RBMS3: variants seen among roughly 807,000 people sequenced by gnomAD.
RBMS3 encodes the protein RNA binding motif single stranded interacting protein 3.
In RBMS3, 27 loss-of-function variants were observed where a neutral mutation model predicts 66.8. The observed-to-expected ratio is 0.40, with a 90% CI of 0.30 to 0.56. RBMS3 has a LOEUF of 0.56. Ranked by LOEUF, RBMS3 falls within the 20% of genes least tolerant of loss-of-function variation. RBMS3 has a pLI of 0.40. For missense variants in RBMS3, 513 were observed against 549.5 expected (o/e 0.93, Z 0.66); for synonymous variants, 188 against 183.0 (o/e 1.03, Z -0.22).
At chr3:29,542,796 T>G (rs1363453229) in intron 3 of RBMS3, among the ~76,000 whole-genome samples, 3 of 152,246 alleles carry the variant, frequency 2.0e-5, no homozygotes, top group African/African-American at 4.8e-5. Flanking sequence ...TTTCTTTTAT[T>G]TTAACATCAC....
intron 10 of RBMS3, among the ~76,000 whole-genome samples, chr3:29,930,151 T>G (rs548285808): frequency 1.2e-4 from 16 of 130,118 alleles, no homozygotes; most frequent in Non-Finnish European, 1.4e-4. Context: ...TCGCTCTGTC[T>G]CCCAGGCTGG....
chr3:29,677,181 C>T (rs965711559), intron 4 of RBMS3, among the ~76,000 whole-genome samples: 1 of 152,088 alleles, frequency 6.6e-6, no homozygotes, highest in Non-Finnish European at 1.5e-5. Flanking sequence ...CCCTCATAAT[C>T]CAATCACCTC....
intron 1 of RBMS3, among the ~76,000 whole-genome samples, chr3:29,326,955 C>A (rs1451371654): frequency 6.6e-6 from 1 of 152,140 alleles, no homozygotes; most frequent in African/African-American, 2.4e-5. Context: ...TGGTCTCGAT[C>A]TCCTGACCTC....
At chr3:29,567,968 T>G (rs762877135) in intron 3 of RBMS3, among the ~76,000 whole-genome samples, 58 of 152,336 alleles carry the variant, frequency 3.8e-4, no homozygotes, top group Middle Eastern at 6.8e-3. Flanking sequence ...GATGGGGGAA[T>G]GTCTGCCCTT....
rs1353699872 is a variant in RBMS3 at position 29,747,399 on chromosome 3, TAGATA to T, written c.557+7523_557+7527del. On this transcript the variant is annotated intron_variant, in intron 5 of 14. Coordinates refer to ENST00000383767, the MANE Select transcript of RBMS3 (RefSeq NM_001003793.3). ...CTAGGTAGGTAGGTAGGTAGATAGA[TAGATA>T]GATAGATAGATAGATAGATAGATAG... 2.9e-4 allele frequency among the ~76,000 whole-genome samples: 12 copies of T among 41,032 alleles called. No homozygotes were observed. In the Admixed American group the frequency reaches 3.1e-3, roughly 11 times the overall value. 26.9% of individuals were successfully genotyped at this position (41,032 alleles called of 152,430 possible).
chr3:29,911,715 C>T (rs55840259), intron 10 of RBMS3, among the ~76,000 whole-genome samples: 3,522 of 152,010 alleles, frequency 0.023, 150 homozygotes, highest in African/African-American at 0.081. Flanking sequence ...ACAAATGCTT[C>T]GTTGCTAAGT....
chr3:29,836,955 A>G (rs953613029), intron 6 of RBMS3, among the ~76,000 whole-genome samples: 2 of 152,030 alleles, frequency 1.3e-5, no homozygotes, highest in African/African-American at 4.8e-5. Context: ...CAATTTGCCC[A>G]TCTTTGTCCT....
intron 4 of RBMS3, among the ~76,000 whole-genome samples, chr3:29,589,383 G>C (rs2047646133): frequency 6.6e-6 from 1 of 152,028 alleles, no homozygotes; most frequent in South Asian, 2.1e-4. Context: ...CACGCCCACT[G>C]TACAAAAAAT....
intron 4 of RBMS3, among the ~76,000 whole-genome samples, chr3:29,711,124 T>C (rs1442977341): frequency 2.0e-5 from 3 of 152,176 alleles, no homozygotes; most frequent in African/African-American, 7.2e-5. Context: ...TAAAGTTTAA[T>C]TTATAAATTA....
intron 7 of RBMS3, among the ~76,000 whole-genome samples, chr3:29,877,875 G>A (rs1445618605): frequency 1.3e-5 from 2 of 152,068 alleles, no homozygotes; most frequent in African/African-American, 4.8e-5. Context: ...TCCGAGAATA[G>A]TTTCTCCCTT....
chr3:29,329,965 C>CT (rs1428098207), intron 1 of RBMS3, among the ~76,000 whole-genome samples: 1 of 149,686 alleles, frequency 6.7e-6, no homozygotes, highest in African/African-American at 2.4e-5. Context: ...TCACAAGATA[C>CT]TTTAAAATCT....
At chr3:29,800,472 TTA>T (rs1415117821) in intron 6 of RBMS3, among the ~76,000 whole-genome samples, 4 of 152,212 alleles carry the variant, frequency 2.6e-5, no homozygotes, top group Non-Finnish European at 5.9e-5. Context: ...ATAAAATAAT[TTA>T]TGAGATATTT....
chr3:29,828,788 G>A (rs73831071), intron 6 of RBMS3, among the ~76,000 whole-genome samples: 2 of 151,920 alleles, frequency 1.3e-5, no homozygotes, highest in African/African-American at 2.4e-5. Context: ...TTTTTCCACT[G>A]TGTGTGTTTT....
At position 29,576,360 on chromosome 3, in the gene RBMS3, G is replaced by A. The variant is rs1168359318; in HGVS notation, c.308-10754G>A. ...CGCTGAGTCACCTGAAACTGGAGGT[G>A]TGGTGATGCACTGGGATTGACCCAG... is the stretch of plus-strand genomic sequence containing the variant. On this transcript the variant is annotated intron_variant, in intron 3 of 14. Transcript: ENST00000383767. Among the ~76,000 whole-genome samples, 4 of 152,308 alleles carry A rather than the reference G, an allele frequency of 2.6e-5. No individual in the cohort carries two copies. The South Asian group carries it at 6.2e-4, about 24-fold the overall frequency.
chr3:29,823,829 C>T (rs1279554874), intron 6 of RBMS3, among the ~76,000 whole-genome samples: 2 of 151,962 alleles, frequency 1.3e-5, no homozygotes, highest in African/African-American at 4.8e-5. Flanking sequence ...TATTTTATAC[C>T]TAGGAATGAA....
At chr3:29,737,658 G>T (rs568369686) in intron 4 of RBMS3, among the ~76,000 whole-genome samples, 1 of 152,000 alleles carries the variant, frequency 6.6e-6, no homozygotes, top group Non-Finnish European at 1.5e-5. Flanking sequence ...CGTAGATAAG[G>T]TTCATTATTA....
intron 1 of RBMS3, among the ~76,000 whole-genome samples, chr3:29,289,724 T>C (rs2032664229): frequency 6.6e-6 from 1 of 151,826 alleles, no homozygotes; most frequent in African/African-American, 2.4e-5. Flanking sequence ...GTGTGGAAAG[T>C]AAGGTATAAT....
intron 10 of RBMS3, among the ~76,000 whole-genome samples, chr3:29,905,047 T>C (rs1049928603): frequency 2.0e-5 from 3 of 152,054 alleles, no homozygotes; most frequent in Non-Finnish European, 4.4e-5. Context: ...GTCTTTCTTT[T>C]AGAACAAGGG....
chr3:29,511,021 G>A (rs763256754), intron 3 of RBMS3, among the ~76,000 whole-genome samples: 3 of 152,162 alleles, frequency 2.0e-5, no homozygotes, highest in East Asian at 1.9e-4. Context: ...AATTTTGGCC[G>A]GGCGTGGTGG....
Sources: allele counts gnomAD v4.1 joint callset (sites outside exome capture counted in the v4.1 genomes callset), GRCh38; gene constraint gnomAD v4.1.1; transcripts MANE v1.5; gene names NCBI Gene and HGNC (gene_info 2026-07-23, HGNC 2026-07-21).